The following BRCA2 variants were observed in gnomAD, a reference collection of about 807,000 sequenced individuals.
BRCA2 encodes the protein BRCA2 DNA repair associated, also known as breast cancer type 2 susceptibility protein.
In BRCA2, 203 loss-of-function variants were observed where a neutral mutation model predicts 276.7. The ratio of observed to expected loss-of-function variants is 0.73; its 90% CI spans 0.65 to 0.82. The LOEUF (loss-of-function observed/expected upper bound fraction) is 0.82. Ranked by LOEUF, BRCA2 falls within the 40% of genes least tolerant of loss-of-function variation. BRCA2 has a pLI of 0.00. For missense variants in BRCA2, 3,920 were observed against 3,915.0 expected (o/e 1.00, Z -0.03); for synonymous variants, 1,289 against 1,338.4 (o/e 0.96, Z 0.81).
chr13:32,368,798 G>T (rs1195700200), intron 18 of BRCA2, among the ~76,000 whole-genome samples: 1 of 134,554 alleles, frequency 7.4e-6, no homozygotes, highest in Non-Finnish European at 1.6e-5. Flanking sequence ...TTGTTTTTTT[G>T]TTTTTTTTTT....
intron 7 of BRCA2, 48 bp from the exon 8 acceptor site, chr13:32,329,395 T>A: frequency 7.2e-7 from 1 of 1,397,650 alleles, no homozygotes; most frequent in Non-Finnish European, 1.0e-6. Context: ...AAATAAGTTT[T>A]TGCATTCTAG....
rs886040430 is a variant in BRCA2 at position 32,336,845 on chromosome 13, C to CT, written c.2490_2491insT (p.Val831CysfsTer2). 1 of 1,605,248 alleles carries CT rather than the reference C, an allele frequency of 6.2e-7. No homozygotes were observed. Among genetic ancestry groups the CT allele is most frequent in the Non-Finnish European group, 8.5e-7 (1 of 1,177,816 alleles). ...GTGCTTTAAATGAAAATTATAAAAA[C>CT]GTTGAGCTGTTGCCACCTGAAAAAT... On this transcript the variant is annotated frameshift_variant, in exon 11 of 27. Transcript: ENST00000380152. LOFTEE classifies it high-confidence loss of function.
At chr13:32,382,482 G>C (rs11571779) in intron 24 of BRCA2, among the ~76,000 whole-genome samples, 1 of 152,216 alleles carries the variant, frequency 6.6e-6, no homozygotes, top group Non-Finnish European at 1.5e-5. Context: ...AAGAATTGTC[G>C]AGTAGTGAGA....
At chr13:32,376,437 C>T (rs1016282833) in intron 20 of BRCA2, among the ~76,000 whole-genome samples, 6 of 151,014 alleles carry the variant, frequency 4.0e-5, no homozygotes, top group African/African-American at 1.5e-4. Context: ...AGGAGAACCA[C>T]TTGAACCCAG....
At chr13:32,349,439 C>G (rs776671982) in intron 13 of BRCA2, among the ~76,000 whole-genome samples, 12 of 152,020 alleles carry the variant, frequency 7.9e-5, no homozygotes, top group Non-Finnish European at 1.8e-4. Context: ...ATTTTACACT[C>G]AGGTCTCAAA....
intron 7 of BRCA2, among the ~76,000 whole-genome samples, chr13:32,328,855 A>C (rs1221169840): frequency 6.6e-6 from 1 of 151,426 alleles, no homozygotes. Context: ...TTGTGTGCCC[A>C]TGTGTGTGTG....
At position 32,338,724 on chromosome 13, in the gene BRCA2, T is replaced by C. The variant is rs754004520; in HGVS notation, c.4369T>C (p.Leu1457=). Residue 1457 remains leucine, a synonymous_variant, in exon 11 of 27, where the codon TTG becomes CTG. Transcript: ENST00000380152. ...VNFFDQKPEE[L]HNFSLNSELH... ...TTTCTTTGATCAGAAACCAGAAGAA[T>C]TGCATAACTTTTCCTTAAATTCTGA... 8.8e-6 allele frequency: 14 copies of C among 1,598,900 alleles called. No individual in the cohort carries two copies. The highest frequency in any genetic ancestry group is 1.1e-5 in the South Asian group (1 of 88,564).
chr13:32,391,787 A>C (rs2072998880), intron 24 of BRCA2, among the ~76,000 whole-genome samples: 1 of 152,240 alleles, frequency 6.6e-6, no homozygotes, highest in South Asian at 2.1e-4. Flanking sequence ...GTGTTACACT[A>C]AAAATTCTTC....
chr13:32,316,306 G>A lies in BRCA2; in HGVS notation c.-39-116G>A, dbSNP rs541319330. 338 of 722,656 alleles carry A rather than the reference G, an allele frequency of 4.7e-4. 4 individuals carry two copies. The highest frequency in any genetic ancestry group is 4.1e-3 in the South Asian group (265 of 64,608). 44.8% of individuals were successfully genotyped at this position (722,656 alleles called of 1,614,324 possible). A position where few individuals can be genotyped will look rare whatever the true frequency, so the allele number is the denominator to read the frequency against. On this transcript the variant is annotated intron_variant, in intron 1 of 26. Coordinates refer to ENST00000380152, the MANE Select transcript of BRCA2 (RefSeq NM_000059.4). Reference sequence around the variant, plus strand: ...CTCACAGTAAGCTGTTACCGTTCCAGGAGATGGGACTGAATTAGAATTCAA... The same window carrying A: ...CTCACAGTAAGCTGTTACCGTTCCAAGAGATGGGACTGAATTAGAATTCAA...
chr13:32,319,645 A>G (rs980383712), intron 3 of BRCA2, among the ~76,000 whole-genome samples: 1 of 152,164 alleles, frequency 6.6e-6, no homozygotes, highest in Non-Finnish European at 1.5e-5. Context: ...ACTAAACTAT[A>G]TTTCTGCAAG....
chr13:32,328,523 T>C (rs1299336145), intron 7 of BRCA2, among the ~76,000 whole-genome samples: 7 of 152,188 alleles, frequency 4.6e-5, no homozygotes, highest in African/African-American at 1.7e-4. Context: ...AAGAAGATAC[T>C]GGGCCAGATC....
rs2137494485 is a variant in BRCA2 at position 32,337,578 on chromosome 13, A to T, written c.3223A>T (p.Ser1075Cys). Residue 1075 changes from serine (S) to cysteine (C), a missense_variant, in exon 11 of 27, where the codon AGT becomes TGT. By Grantham distance (112) the Ser-to-Cys change is moderately radical. This residue lies in a region of BRCA2 where 3,263 missense variants were observed against 3,156.9 expected (regional missense o/e 1.03). Transcript: ENST00000380152. Reference protein sequence around the residue: ...INTVSAHLQSSVVVSDCKNSH... With the variant: ...INTVSAHLQSCVVVSDCKNSH... Reference sequence around the variant, plus strand: ...TACTGTATCTGCACATTTACAGAGTAGTGTAGTTGTTTCTGATTGTAAAAA... The same window carrying T: ...TACTGTATCTGCACATTTACAGAGTTGTGTAGTTGTTTCTGATTGTAAAAA... The T allele has an allele frequency of 6.3e-7, 1 of 1,599,486 alleles. No individual in the cohort carries two copies. The highest frequency in any genetic ancestry group is 1.1e-5 in the South Asian group (1 of 88,466).
intron 24 of BRCA2, among the ~76,000 whole-genome samples, chr13:32,388,308 G>A (rs2072974935): frequency 3.3e-5 from 5 of 151,974 alleles, no homozygotes; most frequent in African/African-American, 2.4e-5. Flanking sequence ...TAATAGAGCT[G>A]GGGTTTCACC....
intron 1 of BRCA2, 77 bp from the exon 2 acceptor site, chr13:32,316,344 GC>G: frequency 1.1e-6 from 1 of 907,860 alleles, no homozygotes; most frequent in Non-Finnish European, 1.8e-6. Context: ...AAATTTTCCA[GC>G]GCTTCTGAGT....
At chr13:32,391,660 T>C (rs2072998105) in intron 24 of BRCA2, among the ~76,000 whole-genome samples, 1 of 152,214 alleles carries the variant, frequency 6.6e-6, no homozygotes, top group African/African-American at 2.4e-5. Context: ...CTAAAAGGAA[T>C]TAAAAGCTTT....
chr13:32,394,710 T>A lies in BRCA2; in HGVS notation c.9278T>A (p.Leu3093Ter). 6.2e-7 allele frequency: 1 copy of A among 1,613,656 alleles called. No homozygotes were observed. The highest frequency in any genetic ancestry group is 8.5e-7 in the Non-Finnish European group (1 of 1,179,650). Residue 3093 changes from leucine to a stop codon, truncating the protein, a stop_gained, in exon 25 of 27, where the codon TTG becomes TAG. Transcript: ENST00000380152. LOFTEE classifies it high-confidence loss of function. Reference protein sequence around the residue: ...KKTGLAPFVYLSDECYNLLAI... With the variant: ...KKTGLAPFVY ...CTAGGACTTGCCCCTTTCGTCTATT[T>A]GTCAGACGAATGTTACAATTTACTG...
intron 11 of BRCA2, among the ~76,000 whole-genome samples, chr13:32,342,023 G>A (rs1037053269): frequency 6.6e-6 from 1 of 152,140 alleles, no homozygotes; most frequent in African/African-American, 2.4e-5. Flanking sequence ...TGTAATCCCA[G>A]CACTTTGGGA....
rs397507434 is a variant in BRCA2, at chr13:32,398,186, T to C, written c.9673T>C (p.Tyr3225His). The change falls in exon 27 of 27, where the codon TAT becomes CAT. Residue 3225 changes from tyrosine to histidine, a missense_variant. Tyr to His is a moderately conservative substitution (Grantham distance 83). Coordinates refer to ENST00000380152, the MANE Select transcript of BRCA2 (RefSeq NM_000059.4). The stretch of plus-strand genomic sequence containing the variant: ...GATGTCTTCTCCTAATTGTGAGATA[T>C]ATTATCAAAGTCCTTTATCACTTTG... ...LLMSSPNCEI[Y>H]YQSPLSLCMA... 1 of 1,611,054 alleles carries C rather than the reference T, an allele frequency of 6.2e-7. No individual in the cohort carries two copies. The highest frequency in any genetic ancestry group is 8.5e-7 in the Non-Finnish European group (1 of 1,178,260).
At position 32,339,697 on chromosome 13, in the gene BRCA2, A is replaced by G. The variant is rs80358756; in HGVS notation, c.5342A>G (p.Asp1781Gly). 7 of 1,613,072 alleles carry G rather than the reference A, an allele frequency of 4.3e-6. No homozygotes were observed. The African/African-American group carries it at 9.3e-5, about 22-fold the overall frequency. ...GIEPVLKNVE[D>G]QKNTSFSKVI... is the part of the protein sequence containing the mutation. ...GAGCCAGTATTGAAGAATGTTGAAGATCAAAAAAACACTAGTTTTTCCAAA... is the reference window on the plus strand; with the variant it reads ...GAGCCAGTATTGAAGAATGTTGAAGGTCAAAAAAACACTAGTTTTTCCAAA... Residue 1781 changes from aspartate (D) to glycine (G), a missense_variant, in exon 11 of 27, where the codon GAT becomes GGT. Physicochemically the swap from Asp to Gly is moderately conservative, Grantham distance 94. This residue lies in a region of BRCA2 where 3,263 missense variants were observed against 3,156.9 expected (regional missense o/e 1.03). Coordinates refer to ENST00000380152, the MANE Select transcript of BRCA2 (RefSeq NM_000059.4).
Sources: gnomAD v4.1 joint callset for allele counts (sites outside exome capture counted in the v4.1 genomes callset) on GRCh38, gnomAD v4.1.1 for gene constraint, gnomAD v4.1.1 regional missense constraint, MANE v1.5 for transcripts, NCBI Gene and HGNC (gene_info 2026-07-23, HGNC 2026-07-21) for gene names.